VIPR1: variants seen among roughly 807,000 people sequenced by gnomAD.
The protein encoded by VIPR1 is vasoactive intestinal polypeptide receptor 1.
In VIPR1, 59 loss-of-function variants were observed where a neutral mutation model predicts 58.8. The ratio of observed to expected loss-of-function variants is 1.00; its 90% CI spans 0.81 to 1.25. The LOEUF (loss-of-function observed/expected upper bound fraction) is 1.25. Among genes scored for constraint, VIPR1 ranks in the 50% most tolerant of loss-of-function variants. The pLI, the probability that VIPR1 is intolerant of heterozygous loss-of-function variation, is 0.00. For synonymous variants in VIPR1, 251 were observed against 242.1 expected, an observed-to-expected ratio of 1.04 and a Z score of -0.34; for missense variants, 626 against 602.7, an observed-to-expected ratio of 1.04 and a Z score of -0.40.
intron 1 of VIPR1, among the ~76,000 whole-genome samples, chr3:42,490,155 A>G (rs780772175): frequency 6.6e-6 from 1 of 151,880 alleles, no homozygotes; most frequent in Non-Finnish European, 1.5e-5. Flanking sequence ...CCCCACCCCA[A>G]TTCCTCCCCA....
intron 1 of VIPR1, among the ~76,000 whole-genome samples, chr3:42,491,310 T>C (rs1183909934): frequency 6.6e-6 from 1 of 152,246 alleles, no homozygotes; most frequent in Non-Finnish European, 1.5e-5. Context: ...TTGAATGCTA[T>C]TAAGGAATTT....
chr3:42,523,732 C>A (rs571369998), intron 3 of VIPR1, among the ~76,000 whole-genome samples: 13 of 152,218 alleles, frequency 8.5e-5, no homozygotes, highest in Middle Eastern at 3.4e-3. Context: ...TTGGGCCTGG[C>A]CTCCTCAAGC....
At position 42,527,436 on chromosome 3, in the gene VIPR1, T is replaced by A. The variant is rs1701291542; in HGVS notation, c.443T>A (p.Ile148Asn). Residue 148 changes from isoleucine to asparagine, a missense_variant, in exon 5 of 13, where the codon ATT (isoleucine) becomes AAT (asparagine). Coordinates refer to ENST00000325123, the MANE Select transcript of VIPR1 (RefSeq NM_004624.4). Reference protein sequence around the residue: ...FYGSVKTGYTIGYGLSLATLL... With the variant: ...FYGSVKTGYTNGYGLSLATLL... ...GGTTCTGTGAAGACCGGCTACACCATTGGCTACGGCCTGTCCCTCGCCACC... is the reference window on the plus strand; with the variant it reads ...GGTTCTGTGAAGACCGGCTACACCAATGGCTACGGCCTGTCCCTCGCCACC... 2 of 1,613,204 alleles carry A rather than the reference T, an allele frequency of 1.2e-6. No individual in the cohort carries two copies. Among genetic ancestry groups the A allele is most frequent in the Non-Finnish European group, 1.7e-6 (2 of 1,179,544 alleles).
intron 3 of VIPR1, among the ~76,000 whole-genome samples, chr3:42,522,441 A>G (rs1489695669): frequency 6.6e-6 from 1 of 152,130 alleles, no homozygotes; most frequent in Admixed American, 6.5e-5. Flanking sequence ...TTTGTTTTAA[A>G]ATAAATATGG....
chr3:42,491,027 G>C (rs750112881), intron 1 of VIPR1, among the ~76,000 whole-genome samples: 14 of 152,138 alleles, frequency 9.2e-5, no homozygotes, highest in Non-Finnish European at 1.3e-4. Flanking sequence ...TTCCACAATA[G>C]TCAGTCTGAG....
intron 5 of VIPR1, 174 bp from the exon 6 acceptor site, chr3:42,527,817 G>T: frequency 1.1e-6 from 1 of 937,422 alleles, no homozygotes; most frequent in Non-Finnish European, 1.6e-6. Context: ...ACAGGTGGAT[G>T]GGGTACCTGG....
At chr3:42,531,418 T>C in intron 7 of VIPR1, 53 bp from the exon 8 acceptor site, 2 of 1,539,848 alleles carry the variant, frequency 1.3e-6, no homozygotes, top group Non-Finnish European at 8.8e-7. Flanking sequence ...TCATGCCCTC[T>C]ACCCCTGCTT....
Position 42,526,010 on chromosome 3 carries a change from C to T in VIPR1, c.399+17C>T, listed in dbSNP as rs1370480102. 7 of 1,599,484 alleles carry T rather than the reference C, an allele frequency of 4.4e-6. No individual in the cohort carries two copies. The highest frequency in any genetic ancestry group is 1.3e-5 in the African/African-American group (1 of 74,758). On this transcript the variant is annotated intron_variant, in intron 4 of 12. Transcript: ENST00000325123. Reference sequence around the variant, plus strand: ...TTGGATGAGGTGGGTCTCAGGGCACCCCCACCTCACCTGCAGAGCGCCGGG... The same window carrying T: ...TTGGATGAGGTGGGTCTCAGGGCACTCCCACCTCACCTGCAGAGCGCCGGG...
At chr3:42,497,396 T>G (rs1222017285) in intron 1 of VIPR1, among the ~76,000 whole-genome samples, 1 of 152,118 alleles carries the variant, frequency 6.6e-6, no homozygotes, top group Non-Finnish European at 1.5e-5. Context: ...CTGTATGAAC[T>G]CATGCCCACA....
At chr3:42,527,840 T>C in intron 5 of VIPR1, 151 bp from the exon 6 acceptor site, 3 of 1,155,366 alleles carry the variant, frequency 2.6e-6, no homozygotes, top group Non-Finnish European at 3.7e-6. Context: ...GTGGGGCTCG[T>C]ATTTCAGGAT....
rs889558712 is a variant in VIPR1 at position 42,527,538 on chromosome 3, C to A, written c.503+42C>A. The A allele has an allele frequency of 2.5e-6, 4 of 1,592,808 alleles. No individual in the cohort carries two copies. The Admixed American group carries it at 6.7e-5, about 27-fold the overall frequency. On this transcript the variant is annotated intron_variant, in intron 5 of 12. Coordinates refer to ENST00000325123, the MANE Select transcript of VIPR1 (RefSeq NM_004624.4). ...GTCACAGGCCTCAAAGCAAACCTGGCAAGTGTCCCTCCCACAGTGGAGCCC... is the reference window on the plus strand; with the variant it reads ...GTCACAGGCCTCAAAGCAAACCTGGAAAGTGTCCCTCCCACAGTGGAGCCC...
At chr3:42,522,295 G>A (rs1196422264) in intron 3 of VIPR1, among the ~76,000 whole-genome samples, 4 of 151,056 alleles carry the variant, frequency 2.6e-5, no homozygotes, top group African/African-American at 9.8e-5. Context: ...TCTTAGTAGA[G>A]ATGGGGTTTT....
chr3:42,514,867 T>C (rs1700546317), intron 2 of VIPR1, among the ~76,000 whole-genome samples: 1 of 152,142 alleles, frequency 6.6e-6, no homozygotes, highest in East Asian at 1.9e-4. Flanking sequence ...CAGGTAAGAA[T>C]GGATGGAATT....
Position 42,525,972 on chromosome 3 carries a change from C to T in VIPR1, c.378C>T (p.Asp126=). The change falls in exon 4 of 13, where the codon GAC becomes GAT. Residue 126 remains aspartate, a synonymous_variant. Coordinates refer to ENST00000325123, the MANE Select transcript of VIPR1 (RefSeq NM_004624.4). The part of the protein sequence containing the change: ...GPYPIACGLD[D]KAASLDEQQT... ...ACCCCATTGCCTGTGGTTTGGATGA[C>T]AAGGCAGCGAGTTTGGATGAGGTGG... 2 of 1,613,184 alleles carry T rather than the reference C, an allele frequency of 1.2e-6. No individual in the cohort carries two copies. Among genetic ancestry groups the T allele is most frequent in the South Asian group, 1.1e-5 (1 of 90,710 alleles).
chr3:42,510,792 C>T (rs114008876), intron 1 of VIPR1, among the ~76,000 whole-genome samples: 1,961 of 152,234 alleles, frequency 0.013, 49 homozygotes, highest in African/African-American at 0.044. Flanking sequence ...GGTACCCACC[C>T]CTCCTTTCTC....
At position 42,527,566 on chromosome 3, in the gene VIPR1, C is replaced by T. The variant is rs962100158; in HGVS notation, c.503+70C>T. ...GTGTCCCTCCCACAGTGGAGCCCAG[C>T]GTGGCCCAGGCGTGCCCCGACCCCT... is the stretch of plus-strand genomic sequence containing the variant. On this transcript the variant is annotated intron_variant, in intron 5 of 12. Transcript: ENST00000325123. 5.3e-6 allele frequency: 8 copies of T among 1,506,320 alleles called. No homozygotes were observed. The Admixed American group carries it at 6.8e-5, about 13-fold the overall frequency. 93.3% of individuals were successfully genotyped at this position (1,506,320 alleles called of 1,614,324 possible).
intron 2 of VIPR1, 139 bp downstream of exon 2, chr3:42,513,993 G>A (rs1700493393): frequency 2.1e-6 from 2 of 953,174 alleles, no homozygotes; most frequent in Non-Finnish European, 3.1e-6. Flanking sequence ...CCAGATGGAA[G>A]AAGAAAGGGG....
intron 1 of VIPR1, among the ~76,000 whole-genome samples, chr3:42,491,588 T>C (rs574713112): frequency 3.8e-4 from 57 of 149,198 alleles, no homozygotes; most frequent in African/African-American, 1.3e-3. Flanking sequence ...GTTTTTTGTT[T>C]GTTTGACATG....
intron 4 of VIPR1, 63 bp from the exon 5 acceptor site, chr3:42,527,330 C>A (rs1313587385): frequency 1.3e-6 from 2 of 1,503,710 alleles, no homozygotes; most frequent in African/African-American, 2.8e-5. Context: ...CCACCCCTGC[C>A]AATACCCCCT....
Sources: allele counts gnomAD v4.1 joint callset (sites outside exome capture counted in the v4.1 genomes callset), GRCh38; gene constraint gnomAD v4.1.1; transcripts MANE v1.5; gene names NCBI Gene and HGNC (gene_info 2026-07-23, HGNC 2026-07-21).